Variants in STX6 observed in about 807,000 individuals in gnomAD.
STX6 encodes the protein syntaxin 6, also known as syntaxin-6.
STX6 carries 23 observed loss-of-function variants against 38.0 expected under a neutral mutation model. The ratio of observed to expected loss-of-function variants is 0.60; its 90% CI spans 0.43 to 0.86. The LOEUF is 0.86. STX6 is among the 40% of genes least tolerant of loss of function. The probability of loss-of-function intolerance (pLI) is 0.00; values close to 1 mark genes in which losing one functional copy is unlikely to be tolerated. For synonymous variants in STX6, 123 were observed against 107.5 expected (o/e 1.14, Z -0.89); for missense variants, 274 against 312.9 (o/e 0.88, Z 0.94).
rs1436356459 is a variant in STX6, at chr1:180,976,491, G to A, written c.*79C>T. 14 of 1,225,676 alleles carry A rather than the reference G, an allele frequency of 1.1e-5. No individual in the cohort carries two copies. The highest frequency in any genetic ancestry group is 1.5e-5 in the African/African-American group (1 of 67,304). The allele number at this position is 1,225,676 out of a possible 1,614,324, so 75.9% of individuals were successfully genotyped here. Reference sequence around the variant, plus strand: ...TTCCAGGATAGGAATGTGAGTAGACGGCAATGTCACACGTGCTCAGCTTCT... The same window carrying A: ...TTCCAGGATAGGAATGTGAGTAGACAGCAATGTCACACGTGCTCAGCTTCT... On this transcript the variant is annotated 3_prime_UTR_variant, in exon 8 of 8. Coordinates refer to ENST00000258301, the MANE Select transcript of STX6 (RefSeq NM_005819.6).
chr1:180,972,915 C>G lies in STX6; in HGVS notation c.*3655G>C. Reference sequence around the variant, plus strand: ...GAGAGAAAGAAAAGAAAGACCACCCCCTATTAGAAGCAAAGGCCCTGGGAG... The same window carrying G: ...GAGAGAAAGAAAAGAAAGACCACCCGCTATTAGAAGCAAAGGCCCTGGGAG... On this transcript the variant is annotated 3_prime_UTR_variant, in exon 8 of 8. Coordinates refer to ENST00000258301, the MANE Select transcript of STX6 (RefSeq NM_005819.6). The G allele has an allele frequency of 7.2e-6, 2 of 277,308 alleles. 1 individual carries two copies. Among genetic ancestry groups the G allele is most frequent in the South Asian group, 7.2e-5 (2 of 27,724 alleles). The allele number at this position is 277,308 out of a possible 1,614,324, so 17.2% of individuals were successfully genotyped here.
rs751398896 is a variant in STX6, at chr1:180,990,048, C to T, written c.425G>A (p.Arg142His). 11 of 1,614,004 alleles carry T rather than the reference C, an allele frequency of 6.8e-6. No homozygotes were observed. Among genetic ancestry groups the T allele is most frequent in the Admixed American group, 1.7e-5 (1 of 59,994 alleles). Residue 142 changes from arginine (R) to histidine (H), a missense_variant, in exon 5 of 8, where the codon CGT (arginine) becomes CAT (histidine). Transcript: ENST00000258301. The part of the protein sequence containing the change: ...WSTGTTDKYG[R>H]LDRELQRANS... Reference sequence around the variant, plus strand: ...GGCTCTCTGGAGCTCTCGGTCCAGACGCCCATATTTATCTGTTGTTCCAGT... The same window carrying T: ...GGCTCTCTGGAGCTCTCGGTCCAGATGCCCATATTTATCTGTTGTTCCAGT...
At position 180,990,222 on chromosome 1, in the gene STX6, C is replaced by T. The variant is rs112355485; in HGVS notation, c.364-113G>A. 65 of 1,389,414 alleles carry T rather than the reference C, an allele frequency of 4.7e-5. 2 individuals are homozygous for T. In the African/African-American group the frequency reaches 4.8e-4, roughly 10 times the overall value. 86.1% of individuals were successfully genotyped at this position (1,389,414 alleles called of 1,614,324 possible). A position where few individuals can be genotyped will look rare whatever the true frequency, so the allele number is the denominator to read the frequency against. On this transcript the variant is annotated intron_variant, in intron 4 of 7. Transcript: ENST00000258301. ...TTTTCACATTTCTTGTCTATTTTCCCCTGGGCAAGGCTTTTATGTAGTGGT... is the reference window on the plus strand; with the variant it reads ...TTTTCACATTTCTTGTCTATTTTCCTCTGGGCAAGGCTTTTATGTAGTGGT...
At position 180,975,698 on chromosome 1, in the gene STX6, T is replaced by C. The variant is rs989112481; in HGVS notation, c.*872A>G. Reference sequence around the variant, plus strand: ...ATCCAAATTCATTCAAGTGTGTTACTGAGCTGTTTAGCAACAACATATGTA... The same window carrying C: ...ATCCAAATTCATTCAAGTGTGTTACCGAGCTGTTTAGCAACAACATATGTA... On this transcript the variant is annotated 3_prime_UTR_variant, in exon 8 of 8. Transcript: ENST00000258301. The C allele has an allele frequency of 2.6e-5, 4 of 152,356 alleles. No individual in the cohort carries two copies. The highest frequency in any genetic ancestry group is 5.9e-5 in the Non-Finnish European group (4 of 68,032). 9.4% of individuals were successfully genotyped at this position (152,356 alleles called of 1,614,324 possible).
intron 1 of STX6, among the ~76,000 whole-genome samples, chr1:181,020,315 A>C (rs1242510743): frequency 6.6e-6 from 1 of 152,248 alleles, no homozygotes; most frequent in Admixed American, 6.5e-5. Flanking sequence ...TAAAATATGT[A>C]TCAGATTTAG....
At chr1:180,989,710 C>A (rs2102308837) in intron 5 of STX6, among the ~76,000 whole-genome samples, 1 of 152,184 alleles carries the variant, frequency 6.6e-6, no homozygotes, top group Admixed American at 6.5e-5. Flanking sequence ...GCCTTGAACT[C>A]CTGGGCTCAA....
rs147076849 is a variant in STX6 at position 180,997,589 on chromosome 1, T to C, written c.301-4164A>G. ...TTAAATCTCTCATTAATATCTCTTA[T>C]ATTGACTACATATTTAAATGATCAT... On this transcript the variant is annotated intron_variant, in intron 3 of 7. Coordinates refer to ENST00000258301, the MANE Select transcript of STX6 (RefSeq NM_005819.6). Among the ~76,000 whole-genome samples, 72 of 152,340 alleles carry C rather than the reference T, an allele frequency of 4.7e-4. No individual in the cohort carries two copies. In the East Asian group the frequency reaches 0.011, roughly 23 times the overall value.
Position 181,021,116 on chromosome 1 carries a change from G to GA in STX6, c.35+1522dup, listed in dbSNP as rs1281139774. On this transcript the variant is annotated intron_variant, in intron 1 of 7. Coordinates refer to ENST00000258301, the MANE Select transcript of STX6 (RefSeq NM_005819.6). The stretch of plus-strand genomic sequence containing the variant: ...AGTAGACTGTATAGGATACCATCAA[G>GA]AAAAAAAAATGCCAAGACAGAAGAA... Among the ~76,000 whole-genome samples the GA allele has an allele frequency of 1.0e-4, 15 of 150,272 alleles. No individual in the cohort carries two copies. The East Asian group carries it at 1.8e-3, about 18-fold the overall frequency.
chr1:181,022,382 T>C (rs1297612443), intron 1 of STX6, among the ~76,000 whole-genome samples: 1 of 151,980 alleles, frequency 6.6e-6, no homozygotes, highest in Non-Finnish European at 1.5e-5. Flanking sequence ...CCAAATAAAT[T>C]GTACCGCAGC....
At chr1:181,005,191 A>G (rs770750242) in intron 2 of STX6, 103 bp downstream of exon 2, 594 of 1,517,226 alleles carry the variant, frequency 3.9e-4, no homozygotes, top group Non-Finnish European at 4.8e-4. Context: ...ACAAACATTA[A>G]TCGATTATAA....
chr1:181,013,245 G>T (rs762897462), intron 1 of STX6, among the ~76,000 whole-genome samples: 1 of 152,052 alleles, frequency 6.6e-6, no homozygotes, highest in Non-Finnish European at 1.5e-5. Flanking sequence ...TCAGCCATTA[G>T]GGAGCTTTGT....
In STX6 at chr1:180,973,563, G is replaced by A. The variant is rs956294436; in HGVS notation, c.*3007C>T. The A allele has an allele frequency of 6.6e-6, 1 of 152,608 alleles. No homozygotes were observed. Among genetic ancestry groups the A allele is most frequent in the Admixed American group, 6.5e-5 (1 of 15,276 alleles). The allele number at this position is 152,608 out of a possible 1,614,324, so 9.5% of individuals were successfully genotyped here. On this transcript the variant is annotated 3_prime_UTR_variant, in exon 8 of 8. Coordinates refer to ENST00000258301, the MANE Select transcript of STX6 (RefSeq NM_005819.6). ...CAGACCCATCAGTCTGTTTAACTCT[G>A]GCTAAAAGCAGAGAATAATGGGCAA...
intron 1 of STX6, among the ~76,000 whole-genome samples, chr1:181,016,484 G>A (rs1656558659): frequency 6.6e-6 from 1 of 152,142 alleles, no homozygotes; most frequent in South Asian, 2.1e-4. Context: ...ATAAAGGCTT[G>A]CAAATTTGTT....
At chr1:180,992,320 GAT>G (rs1655777600) in intron 4 of STX6, among the ~76,000 whole-genome samples, 1 of 152,204 alleles carries the variant, frequency 6.6e-6, no homozygotes, top group Admixed American at 6.5e-5. Flanking sequence ...TAAGTTAGGT[GAT>G]ATTTATAGAA....
chr1:181,010,211 T>C (rs1656352139), intron 1 of STX6, among the ~76,000 whole-genome samples: 1 of 152,178 alleles, frequency 6.6e-6, no homozygotes, highest in East Asian at 1.9e-4. Context: ...GGTTGCTTTT[T>C]ATTGTAGGTA....
chr1:180,994,968 ATT>A (rs35603304), intron 3 of STX6, among the ~76,000 whole-genome samples: 30 of 144,650 alleles, frequency 2.1e-4, no homozygotes, highest in Non-Finnish European at 2.1e-4. Flanking sequence ...TTAAAAAAAA[ATT>A]TTTTTTTTTT....
chr1:180,985,003 TAGG>T (rs1386762024), intron 6 of STX6, among the ~76,000 whole-genome samples: 2 of 152,146 alleles, frequency 1.3e-5, no homozygotes, highest in African/African-American at 4.8e-5. Context: ...TCGACACCAC[TAGG>T]AGGACACCAC....
At chr1:180,987,792 GT>G (rs59311970) in intron 6 of STX6, 105,087 of 149,050 alleles carry the variant, frequency 0.71, 37,189 homozygotes, top group African/African-American at 0.76. Flanking sequence ...AAATTTGTAA[GT>G]TTTTTTTAAA....
chr1:181,008,280 T>C (rs1238880265), intron 1 of STX6, among the ~76,000 whole-genome samples: 1 of 152,218 alleles, frequency 6.6e-6, no homozygotes, highest in African/African-American at 2.4e-5. Flanking sequence ...CTACGATCCA[T>C]TGGTCAATCT....
Sources: allele counts gnomAD v4.1 joint callset (sites outside exome capture counted in the v4.1 genomes callset), GRCh38; gene constraint gnomAD v4.1.1; transcripts MANE v1.5; gene names NCBI Gene and HGNC (gene_info 2026-07-23, HGNC 2026-07-21).